The following NUDT3 variants were observed in gnomAD, a reference collection of about 807,000 sequenced individuals.
NUDT3 encodes diphosphoinositol polyphosphate phosphohydrolase 1.
A neutral mutation model predicts 23.6 loss-of-function variants in NUDT3; 9 were observed. That is an observed-to-expected ratio of 0.38 (90% CI 0.23 to 0.66). The LOEUF (loss-of-function observed/expected upper bound fraction) is 0.66, where lower values mean the gene tolerates loss of function less well. Among genes scored for constraint, NUDT3 ranks in the 30% least tolerant of loss-of-function variants. The probability of loss-of-function intolerance (pLI) is 0.52; values close to 1 mark genes in which losing one functional copy is unlikely to be tolerated. For synonymous variants in NUDT3, 86 were observed against 82.6 expected (o/e 1.04, Z -0.22); for missense variants, 172 against 218.5 (o/e 0.79, Z 1.34).
chr6:34,294,675 G>A (rs867489915), intron 3 of NUDT3, among the ~76,000 whole-genome samples: 7 of 150,368 alleles, frequency 4.7e-5, no homozygotes, highest in East Asian at 2.0e-4. Context: ...GTGGTGAGCC[G>A]ACATCGCACC....
intron 1 of NUDT3, among the ~76,000 whole-genome samples, chr6:34,370,383 C>T (rs924155163): frequency 3.3e-5 from 5 of 152,160 alleles, no homozygotes; most frequent in African/African-American, 1.2e-4. Context: ...CTCAAAGTGG[C>T]GGCTACAACT....
At chr6:34,371,024 T>A (rs547723130) in intron 1 of NUDT3, among the ~76,000 whole-genome samples, 26 of 151,770 alleles carry the variant, frequency 1.7e-4, no homozygotes, top group African/African-American at 6.3e-4. Flanking sequence ...GGCAGGAGAA[T>A]CGCTTGAACC....
chr6:34,348,022 G>A (rs1445415031), intron 1 of NUDT3, among the ~76,000 whole-genome samples: 2 of 151,880 alleles, frequency 1.3e-5, no homozygotes, highest in East Asian at 3.9e-4. Context: ...AATTAGGCCA[G>A]GTGCAGTGGC....
chr6:34,300,646 A>G (rs932555627), intron 2 of NUDT3, among the ~76,000 whole-genome samples: 4 of 152,228 alleles, frequency 2.6e-5, no homozygotes, highest in South Asian at 2.1e-4. Context: ...GGGAAGGCCA[A>G]AGAAATCTAG....
chr6:34,374,948 C>T (rs538407766), intron 1 of NUDT3, among the ~76,000 whole-genome samples: 5 of 152,202 alleles, frequency 3.3e-5, no homozygotes, highest in Admixed American at 3.3e-4. Context: ...GACATCTCTA[C>T]CGTTCTCTTT....
chr6:34,288,935 T>C lies in NUDT3; in HGVS notation c.341-4A>G. On this transcript the variant is annotated splice_polypyrimidine_tract_variant and splice_region_variant and intron_variant, in intron 4 of 4. Transcript: ENST00000607016. ...TTAAACCATTCCCTCTTCCTTCCTG[T>C]GGAGGCAGAGAGAAAAGAAACTAGT... 6.3e-7 allele frequency: 1 copy of C among 1,597,848 alleles called. No homozygotes were observed. The highest frequency in any genetic ancestry group is 8.5e-7 in the Non-Finnish European group (1 of 1,174,398).
At chr6:34,338,638 A>T (rs1320585038) in intron 2 of NUDT3, among the ~76,000 whole-genome samples, 1 of 152,206 alleles carries the variant, frequency 6.6e-6, no homozygotes, top group Non-Finnish European at 1.5e-5. Flanking sequence ...TCTGAACTGG[A>T]TTCTGTCACA....
At chr6:34,308,958 T>C (rs1763725917) in intron 2 of NUDT3, among the ~76,000 whole-genome samples, 1 of 152,152 alleles carries the variant, frequency 6.6e-6, no homozygotes. Context: ...AGAATACACA[T>C]TATTCTCAAG....
chr6:34,387,618 T>G (rs1765127438), intron 1 of NUDT3, among the ~76,000 whole-genome samples: 1 of 149,844 alleles, frequency 6.7e-6, no homozygotes, highest in Non-Finnish European at 1.5e-5. Flanking sequence ...AAGGATCACT[T>G]GAGCCCAGGA....
intron 2 of NUDT3, among the ~76,000 whole-genome samples, chr6:34,330,801 C>T (rs539351147): frequency 4.1e-4 from 62 of 151,324 alleles, no homozygotes; most frequent in African/African-American, 1.4e-3. Flanking sequence ...ACTCTGTCTC[C>T]AAAAAGAAAA....
chr6:34,315,666 T>C (rs988096673), intron 2 of NUDT3, among the ~76,000 whole-genome samples: 18 of 152,250 alleles, frequency 1.2e-4, no homozygotes, highest in East Asian at 5.8e-4. Context: ...CCTGCAGTTA[T>C]AGGTTTCTGT....
rs550848252 is a variant in NUDT3 at position 34,288,636 on chromosome 6, C to T, written c.*117G>A. The T allele has an allele frequency of 1.4e-4, 197 of 1,363,582 alleles. 2 individuals are homozygous for T. The South Asian group carries it at 2.5e-3, about 18-fold the overall frequency. The allele number at this position is 1,363,582 out of a possible 1,614,324, so 84.5% of individuals were successfully genotyped here. A position where few individuals can be genotyped will look rare whatever the true frequency, so the allele number is the denominator to read the frequency against. On this transcript the variant is annotated 3_prime_UTR_variant, in exon 5 of 5. Coordinates refer to ENST00000607016, the MANE Select transcript of NUDT3 (RefSeq NM_006703.4). ...ATCAATACACCCTTTCTTTGCTGCC[C>T]ACCATGCCTTATTTGAAAGAGGAGG...
chr6:34,323,019 T>C (rs573264515), intron 2 of NUDT3, among the ~76,000 whole-genome samples: 191 of 152,330 alleles, frequency 1.3e-3, no homozygotes, highest in Non-Finnish European at 1.9e-3. Context: ...AAATACTGCA[T>C]GTTCTCACTT....
chr6:34,345,174 G>A lies in NUDT3; in HGVS notation c.100-3202C>T, dbSNP rs558658425. 1.2e-3 allele frequency among the ~76,000 whole-genome samples: 189 copies of A among 151,684 alleles called. 1 individual carries two copies. The East Asian group carries it at 0.013, about 11-fold the overall frequency. ...AGTGATTCTCCTGCCTCAGCCTCCCGAGTAGCTGGGATTACAGGTGCCCAC... is the reference window on the plus strand; with the variant it reads ...AGTGATTCTCCTGCCTCAGCCTCCCAAGTAGCTGGGATTACAGGTGCCCAC... On this transcript the variant is annotated intron_variant, in intron 1 of 4. Transcript: ENST00000607016.
intron 2 of NUDT3, among the ~76,000 whole-genome samples, chr6:34,299,916 ATT>A (rs146466723): frequency 3.0e-5 from 4 of 133,958 alleles, no homozygotes; most frequent in Admixed American, 1.5e-4. Flanking sequence ...AAAAAAAAAT[ATT>A]TTTTTTATTT....
chr6:34,324,859 A>G (rs1764000035), intron 2 of NUDT3, among the ~76,000 whole-genome samples: 1 of 150,300 alleles, frequency 6.7e-6, no homozygotes, highest in Non-Finnish European at 1.5e-5. Flanking sequence ...GCTTCTCTGA[A>G]AAGAGAGAGA....
intron 2 of NUDT3, among the ~76,000 whole-genome samples, chr6:34,325,744 T>C (rs1040211876): frequency 2.6e-5 from 4 of 152,224 alleles, no homozygotes; most frequent in African/African-American, 7.2e-5. Flanking sequence ...GACATGATGA[T>C]TCTTATATAT....
At chr6:34,369,881 G>A (rs1211530797) in intron 1 of NUDT3, among the ~76,000 whole-genome samples, 2 of 152,118 alleles carry the variant, frequency 1.3e-5, no homozygotes, top group Non-Finnish European at 2.9e-5. Context: ...TTCCTAGTAT[G>A]ACTAACACAT....
At chr6:34,352,421 C>CA (rs769981186) in intron 1 of NUDT3, among the ~76,000 whole-genome samples, 1 of 152,194 alleles carries the variant, frequency 6.6e-6, no homozygotes, top group Non-Finnish European at 1.5e-5. Flanking sequence ...CCATCTGTTT[C>CA]AGCCTCTCAA....
Sources: gnomAD v4.1 joint callset for allele counts (sites outside exome capture counted in the v4.1 genomes callset) on GRCh38, gnomAD v4.1.1 for gene constraint, MANE v1.5 for transcripts, NCBI Gene and HGNC (gene_info 2026-07-23, HGNC 2026-07-21) for gene names.